TSPAN4: variants seen among roughly 807,000 people sequenced by gnomAD.
TSPAN4 encodes tetraspanin-4.
A neutral mutation model predicts 31.5 loss-of-function variants in TSPAN4; 38 were observed. That is an observed-to-expected ratio of 1.21 (90% CI 0.93 to 1.58). The LOEUF is 1.58. TSPAN4 is among the 40% of genes most tolerant of loss of function. The pLI is 0.00. For synonymous variants in TSPAN4, 186 were observed against 144.6 expected, an observed-to-expected ratio of 1.29 and a Z score of -2.06; for missense variants, 330 against 317.3, an observed-to-expected ratio of 1.04 and a Z score of -0.30.
rs1323173267 is a variant in TSPAN4 at position 860,599 on chromosome 11, G to T, written c.64-1951G>T. 2.0e-5 allele frequency among the ~76,000 whole-genome samples: 3 copies of T among 152,324 alleles called. No individual in the cohort carries two copies. The East Asian group carries it at 5.8e-4, about 29-fold the overall frequency. ...CTTGAGCTGGGCTGGTGTTGCAGGT[G>T]GGGGTGGGGCGGCTGCTGGTGGCCA... On this transcript the variant is annotated intron_variant, in intron 3 of 8. Coordinates refer to ENST00000397397, the MANE Select transcript of TSPAN4 (RefSeq NM_003271.5).
chr11:862,645 TG>T lies in TSPAN4; in HGVS notation c.160del (p.Ala54ProfsTer66), dbSNP rs1565145410. 1.2e-6 allele frequency: 2 copies of T among 1,613,422 alleles called. No homozygotes were observed. Among genetic ancestry groups the T allele is most frequent in the South Asian group, 2.2e-5 (2 of 91,088 alleles). On this transcript the variant is annotated frameshift_variant, in exon 4 of 9. Coordinates refer to ENST00000397397, the MANE Select transcript of TSPAN4 (RefSeq NM_003271.5). LOFTEE classifies it high-confidence loss of function. Reference sequence around the variant, plus strand: ...CCTCTTCCTTCCCGTCCCTGTCGGCTGCCAACTTGCTCATCATCACCGGCGC... The same window carrying T: ...CCTCTTCCTTCCCGTCCCTGTCGGCTCCAACTTGCTCATCATCACCGGCGC... ...LSSSFPSLSA[A>X]NLLIITGAFV... is the part of the protein sequence containing the mutation.
intron 1 of TSPAN4, among the ~76,000 whole-genome samples, chr11:843,886 G>T (rs887494352): frequency 6.6e-6 from 1 of 152,200 alleles, no homozygotes; most frequent in Admixed American, 6.5e-5. Context: ...CTTAGTTGCA[G>T]AGGAGGAGGA....
In TSPAN4 at chr11:866,707, C is replaced by G; in HGVS notation, c.*77C>G. The G allele has an allele frequency of 7.2e-7, 1 of 1,389,924 alleles. No individual in the cohort carries two copies. Among genetic ancestry groups the G allele is most frequent in the East Asian group, 2.5e-5 (1 of 40,108 alleles). The allele number at this position is 1,389,924 out of a possible 1,614,324, so 86.1% of individuals were successfully genotyped here. A position where few individuals can be genotyped will look rare whatever the true frequency, so the allele number is the denominator to read the frequency against. Reference sequence around the variant, plus strand: ...GCACCCACAGCTGCCTTTCCCACCACCAGCCTCGGTGCTCTGCCCCATGCT... The same window carrying G: ...GCACCCACAGCTGCCTTTCCCACCAGCAGCCTCGGTGCTCTGCCCCATGCT... On this transcript the variant is annotated 3_prime_UTR_variant, in exon 9 of 9. Coordinates refer to ENST00000397397, the MANE Select transcript of TSPAN4 (RefSeq NM_003271.5).
intron 1 of TSPAN4, among the ~76,000 whole-genome samples, chr11:845,664 C>T (rs1462481303): frequency 6.6e-6 from 1 of 152,012 alleles, no homozygotes; most frequent in East Asian, 1.9e-4. Context: ...GTGCCCCCCA[C>T]CCAGGGTCCT....
At chr11:866,057 C>G in intron 8 of TSPAN4, 56 bp downstream of exon 8, 4 of 1,573,794 alleles carry the variant, frequency 2.5e-6, no homozygotes, top group Non-Finnish European at 3.5e-6. Context: ...ACCTTCTGAG[C>G]CCAGGGAACA....
chr11:845,691 C>T (rs1195123626), intron 1 of TSPAN4, among the ~76,000 whole-genome samples: 2 of 152,002 alleles, frequency 1.3e-5, no homozygotes, highest in Non-Finnish European at 2.9e-5. Flanking sequence ...GTTGCCTTCA[C>T]CCCCGACTCC....
intron 3 of TSPAN4, among the ~76,000 whole-genome samples, chr11:856,342 C>T (rs1190310082): frequency 6.6e-6 from 1 of 151,458 alleles, no homozygotes. Flanking sequence ...GAGATGGTCT[C>T]ACGCAGGTCC....
intron 3 of TSPAN4, among the ~76,000 whole-genome samples, chr11:853,482 C>T (rs569632136): frequency 1.5e-4 from 23 of 152,136 alleles, no homozygotes; most frequent in African/African-American, 5.1e-4. Flanking sequence ...GGCTGATTGA[C>T]GTATTTCTTT....
chr11:866,791 C>T lies in TSPAN4; in HGVS notation c.*161C>T. 1.2e-6 allele frequency: 1 copy of T among 800,184 alleles called. No individual in the cohort carries two copies. Among genetic ancestry groups the T allele is most frequent in the Middle Eastern group, 3.6e-4 (1 of 2,808 alleles). 49.6% of individuals were successfully genotyped at this position (800,184 alleles called of 1,614,324 possible). ...CCCCGGAACCCTGTTTCTGGAAGGC[C>T]CTAGCTCAGGTGGCTTCAGGGCCTC... On this transcript the variant is annotated 3_prime_UTR_variant, in exon 9 of 9. Transcript: ENST00000397397.
intron 2 of TSPAN4, among the ~76,000 whole-genome samples, chr11:849,215 G>C (rs949231895): frequency 1.3e-5 from 2 of 152,002 alleles, no homozygotes; most frequent in Non-Finnish European, 2.9e-5. Context: ...GGGCTGCCTG[G>C]TGGAGGGGGG....
chr11:850,612 C>T (rs1475399462), intron 3 of TSPAN4, among the ~76,000 whole-genome samples: 1 of 150,730 alleles, frequency 6.6e-6, no homozygotes, highest in Admixed American at 6.6e-5. Context: ...CCCTGGTCCC[C>T]TCTCCTCTCC....
chr11:865,469 G>C, intron 5 of TSPAN4, 44 bp from the exon 6 acceptor site: 1 of 1,513,812 alleles, frequency 6.6e-7, no homozygotes, highest in East Asian at 2.3e-5. Flanking sequence ...GAGGGAGGCG[G>C]GGTACAGTGG....
chr11:861,487 T>C lies in TSPAN4; in HGVS notation c.64-1063T>C, dbSNP rs188125535. On this transcript the variant is annotated intron_variant, in intron 3 of 8. Coordinates refer to ENST00000397397, the MANE Select transcript of TSPAN4 (RefSeq NM_003271.5). ...CAGCACTTTGGGAGGTCGAGGTGGGTGGATCACGAGGTTGGGAGATCAAGA... is the reference window on the plus strand; with the variant it reads ...CAGCACTTTGGGAGGTCGAGGTGGGCGGATCACGAGGTTGGGAGATCAAGA... Among the ~76,000 whole-genome samples the C allele has an allele frequency of 2.7e-3, 410 of 151,796 alleles. 2 individuals carry two copies. The highest frequency in any genetic ancestry group is 9.5e-3 in the African/African-American group (391 of 41,366).
chr11:862,069 C>T (rs1241208396), intron 3 of TSPAN4, among the ~76,000 whole-genome samples: 1 of 152,228 alleles, frequency 6.6e-6, no homozygotes, highest in African/African-American at 2.4e-5. Flanking sequence ...GACCACCTGC[C>T]AGGAAGCCCC....
rs199525243 is a variant in TSPAN4 at position 862,635 on chromosome 11, C to G, written c.149C>G (p.Ser50Cys). The G allele has an allele frequency of 3.1e-6, 5 of 1,613,436 alleles. No homozygotes were observed. The highest frequency in any genetic ancestry group is 1.7e-4 in the Middle Eastern group (1 of 6,052). The change falls in exon 4 of 9, where the codon TCC becomes TGC. Residue 50 changes from serine to cysteine, a missense_variant. Transcript: ENST00000397397. ...SFATLSSSFP[S>C]LSAANLLIIT... ...GCCACGCTGTCCTCTTCCTTCCCGT[C>G]CCTGTCGGCTGCCAACTTGCTCATC...
At chr11:849,824 G>C (rs926384753) in intron 2 of TSPAN4, 1 of 147,378 alleles carries the variant, frequency 6.8e-6, no homozygotes, top group African/African-American at 2.5e-5. Context: ...CGCGGGGTCG[G>C]GGGCGCGGGG....
intron 5 of TSPAN4, chr11:865,255 C>CTA: frequency 1.9e-6 from 1 of 528,178 alleles, no homozygotes; most frequent in Non-Finnish European, 3.4e-6. Context: ...GTGGAGGCAC[C>CTA]TGTGTCCCTG....
chr11:864,739 C>T (rs972528157), intron 5 of TSPAN4: 37 of 600,212 alleles, frequency 6.2e-5, no homozygotes, highest in South Asian at 2.8e-4. Flanking sequence ...CTACCCCACC[C>T]GGAGGGTGCG....
chr11:843,740 G>GGGGT (rs1847117917), intron 1 of TSPAN4: 1 of 153,216 alleles, frequency 6.5e-6, no homozygotes, highest in African/African-American at 2.4e-5. Flanking sequence ...GTGGGCTGTG[G>GGGGT]GGGTGGGTGG....
Sources: allele counts gnomAD v4.1 joint callset (sites outside exome capture counted in the v4.1 genomes callset), GRCh38; gene constraint gnomAD v4.1.1; transcripts MANE v1.5; gene names NCBI Gene and HGNC (gene_info 2026-07-23, HGNC 2026-07-21).